The following SPAST variants were observed in gnomAD, a reference collection of about 807,000 sequenced individuals.
SPAST encodes spastic paraplegia 4 (autosomal dominant; spastin).
SPAST carries 30 observed loss-of-function variants against 76.6 expected under a neutral mutation model. That is an observed-to-expected ratio of 0.39 (90% CI 0.29 to 0.53). SPAST has a LOEUF of 0.53. SPAST is among the 20% of genes least tolerant of loss of function. The probability of loss-of-function intolerance (pLI) is 0.68; values close to 1 mark genes in which losing one functional copy is unlikely to be tolerated. For missense variants in SPAST, 717 were observed against 770.5 expected, an observed-to-expected ratio of 0.93 and a Z score of 0.82; for synonymous variants, 305 against 281.0, an observed-to-expected ratio of 1.09 and a Z score of -0.86.
chr2:32,070,642 C>T (rs934024419), intron 1 of SPAST, among the ~76,000 whole-genome samples: 1 of 152,150 alleles, frequency 6.6e-6, no homozygotes, highest in Non-Finnish European at 1.5e-5. Context: ...TGTACATACA[C>T]ATTTTGAGAC....
chr2:32,150,239 ATTTTTTTT>A lies in SPAST; in HGVS notation c.1728+2998_1728+3005del, dbSNP rs11363493. 7.6e-3 allele frequency among the ~76,000 whole-genome samples: 503 copies of A among 66,616 alleles called. 5 individuals carry two copies. Among genetic ancestry groups the A allele is most frequent in the Admixed American group, 0.054 (250 of 4,622 alleles). 43.7% of individuals were successfully genotyped at this position (66,616 alleles called of 152,430 possible). A position where few individuals can be genotyped will look rare whatever the true frequency, so the allele number is the denominator to read the frequency against. On this transcript the variant is annotated intron_variant, in intron 16 of 16. Transcript: ENST00000315285. Reference sequence around the variant, plus strand: ...AGGTGCACGCCACCACGCCCAGCTAATTTTTTTTTTTTTTTTTTTTTTTTGTATTTGTA... The same window carrying A: ...AGGTGCACGCCACCACGCCCAGCTAATTTTTTTTTTTTTTTTGTATTTGTA...
At position 32,114,711 on chromosome 2, in the gene SPAST, T is replaced by C. The variant is rs1413735597; in HGVS notation, c.756T>C (p.Val252=). The change falls in exon 5 of 17, where the codon GTT becomes GTC. Residue 252 remains valine, a synonymous_variant. Coordinates refer to ENST00000315285, the MANE Select transcript of SPAST (RefSeq NM_014946.4). ...TSNSLPRSKT[V]MKTGSAGLSG... is the part of the protein sequence containing the mutation. Reference sequence around the variant, plus strand: ...ATTCACTGCCTCGTTCAAAAACAGTTATGAAAACTGGATCTGCAGGCCTTT... The same window carrying C: ...ATTCACTGCCTCGTTCAAAAACAGTCATGAAAACTGGATCTGCAGGCCTTT... The C allele has an allele frequency of 6.2e-7, 1 of 1,613,990 alleles. No individual in the cohort carries two copies. The highest frequency in any genetic ancestry group is 8.5e-7 in the Non-Finnish European group (1 of 1,179,978).
intron 4 of SPAST, among the ~76,000 whole-genome samples, chr2:32,102,717 A>G (rs1025303237): frequency 6.6e-5 from 10 of 152,218 alleles, no homozygotes; most frequent in Admixed American, 5.9e-4. Flanking sequence ...TTCTGCATCT[A>G]TTGAGATAAT....
At chr2:32,083,750 C>CTTTTTTTTT (rs1677344896) in intron 1 of SPAST, among the ~76,000 whole-genome samples, 1 of 62,870 alleles carries the variant, frequency 1.6e-5, no homozygotes, top group African/African-American at 6.3e-5. Flanking sequence ...TTTATATATA[C>CTTTTTTTTT]TATATATATA....
At chr2:32,081,963 C>T (rs905917232) in intron 1 of SPAST, among the ~76,000 whole-genome samples, 1 of 149,342 alleles carries the variant, frequency 6.7e-6, no homozygotes, top group African/African-American at 2.5e-5. Flanking sequence ...TCACTAATCC[C>T]TTCAAACAGA....
At chr2:32,095,688 A>G (rs959715298) in intron 3 of SPAST, among the ~76,000 whole-genome samples, 1 of 152,094 alleles carries the variant, frequency 6.6e-6, no homozygotes, top group Non-Finnish European at 1.5e-5. Flanking sequence ...GCAGTGAGCC[A>G]TGAGTACACC....
At position 32,109,212 on chromosome 2, in the gene SPAST, G is replaced by A. The variant is rs184705118; in HGVS notation, c.683-5426G>A. On this transcript the variant is annotated intron_variant, in intron 4 of 16. Transcript: ENST00000315285. ...CAACCTCTGCCTCCTGGGTTTAAGC[G>A]ATTTTCCTGTCTCAGCCTCCCCGGT... 3.3e-5 allele frequency among the ~76,000 whole-genome samples: 5 copies of A among 152,104 alleles called. No homozygotes were observed. The East Asian group carries it at 5.8e-4, about 18-fold the overall frequency.
At chr2:32,074,909 A>C (rs1266341193) in intron 1 of SPAST, among the ~76,000 whole-genome samples, 1 of 152,190 alleles carries the variant, frequency 6.6e-6, no homozygotes, top group Non-Finnish European at 1.5e-5. Flanking sequence ...TGGGCAAGTT[A>C]CTTAACTATG....
In SPAST at chr2:32,154,966, A is replaced by C. The variant is rs902011585; in HGVS notation, c.*470A>C. The C allele has an allele frequency of 3.3e-5, 5 of 153,774 alleles. No homozygotes were observed. Among genetic ancestry groups the C allele is most frequent in the African/African-American group, 1.2e-4 (5 of 41,378 alleles). The allele number at this position is 153,774 out of a possible 1,614,324, so 9.5% of individuals were successfully genotyped here. A position where few individuals can be genotyped will look rare whatever the true frequency, so the allele number is the denominator to read the frequency against. On this transcript the variant is annotated 3_prime_UTR_variant, in exon 17 of 17. Transcript: ENST00000315285. ...ACTACAGGTGATTGGAATGCCAAAC[A>C]CTCTTAAGTTTATTTTCTTTTTTCG... is the stretch of plus-strand genomic sequence containing the variant.
At chr2:32,090,803 G>A (rs1417348966) in intron 3 of SPAST, among the ~76,000 whole-genome samples, 3 of 152,034 alleles carry the variant, frequency 2.0e-5, no homozygotes, top group South Asian at 2.1e-4. Flanking sequence ...TTCCTCCCAC[G>A]TTAAATGATA....
chr2:32,115,875 A>G (rs1358418682), intron 6 of SPAST, 40 bp downstream of exon 6: 21 of 1,487,114 alleles, frequency 1.4e-5, no homozygotes, highest in Non-Finnish European at 1.8e-5. Flanking sequence ...TATAGTTTTT[A>G]TATTTTAATT....
chr2:32,083,701 A>G (rs1248006747), intron 1 of SPAST, among the ~76,000 whole-genome samples: 8 of 132,604 alleles, frequency 6.0e-5, no homozygotes, highest in Admixed American at 8.4e-5. Flanking sequence ...TAGAGTATAT[A>G]TATTTTTATA....
intron 4 of SPAST, among the ~76,000 whole-genome samples, chr2:32,100,223 C>T (rs1036501182): frequency 1.3e-5 from 2 of 150,962 alleles, no homozygotes; most frequent in Admixed American, 6.6e-5. Flanking sequence ...GGTAAGATAC[C>T]TTGTTGTGGT....
At chr2:32,150,386 C>T (rs532962568) in intron 16 of SPAST, among the ~76,000 whole-genome samples, 146 of 150,892 alleles carry the variant, frequency 9.7e-4, no homozygotes, top group African/African-American at 3.4e-3. Flanking sequence ...CCACCACGCC[C>T]GGCTGAAAGC....
At chr2:32,079,443 G>A (rs1472615386) in intron 1 of SPAST, among the ~76,000 whole-genome samples, 2 of 151,752 alleles carry the variant, frequency 1.3e-5, no homozygotes, top group Non-Finnish European at 2.9e-5. Context: ...CCTAGGAGGC[G>A]GAGGTTGCAG....
chr2:32,121,164 G>A (rs1679003810), intron 7 of SPAST, among the ~76,000 whole-genome samples: 1 of 151,640 alleles, frequency 6.6e-6, no homozygotes. Context: ...TTAGGTGGGG[G>A]CAGGGGGGAA....
chr2:32,067,062 TTTTA>T (rs1286121126), intron 1 of SPAST, among the ~76,000 whole-genome samples: 1 of 152,136 alleles, frequency 6.6e-6, no homozygotes, highest in Non-Finnish European at 1.5e-5. Context: ...AGGAAATTTT[TTTTA>T]TTTGTTTATT....
chr2:32,069,137 C>G (rs1244075202), intron 1 of SPAST, among the ~76,000 whole-genome samples: 1 of 151,696 alleles, frequency 6.6e-6, no homozygotes, highest in Non-Finnish European at 1.5e-5. Flanking sequence ...TGCTTGAACT[C>G]CAGAGGTGGA....
intron 4 of SPAST, among the ~76,000 whole-genome samples, chr2:32,108,480 C>T (rs914975093): frequency 6.6e-6 from 1 of 152,092 alleles, no homozygotes; most frequent in African/African-American, 2.4e-5. Flanking sequence ...CAGTTATATA[C>T]ATCTTTACAA....
Sources: allele counts gnomAD v4.1 joint callset (sites outside exome capture counted in the v4.1 genomes callset), GRCh38; gene constraint gnomAD v4.1.1; transcripts MANE v1.5; gene names NCBI Gene and HGNC (gene_info 2026-07-23, HGNC 2026-07-21).